SYNCRIP: variants seen among roughly 807,000 people sequenced by gnomAD.
SYNCRIP encodes the protein synaptotagmin binding cytoplasmic RNA interacting protein.
SYNCRIP carries 9 observed loss-of-function variants against 68.9 expected under a neutral mutation model. The ratio of observed to expected loss-of-function variants is 0.13; its 90% CI spans 0.08 to 0.23. SYNCRIP has a LOEUF of 0.23. SYNCRIP is among the 10% of genes least tolerant of loss of function. The pLI is 1.00. For missense variants in SYNCRIP, 414 were observed against 770.6 expected, an observed-to-expected ratio of 0.54 and a Z score of 5.48; for synonymous variants, 258 against 254.0, an observed-to-expected ratio of 1.02 and a Z score of -0.15.
chr6:85,615,361 G>GTC lies in SYNCRIP; in HGVS notation c.1281-15_1281-14insGA. The GTC allele has an allele frequency of 6.9e-7, 1 of 1,443,640 alleles. No individual in the cohort carries two copies. Among genetic ancestry groups the GTC allele is most frequent in the Non-Finnish European group, 9.2e-7 (1 of 1,086,650 alleles). 89.4% of individuals were successfully genotyped at this position (1,443,640 alleles called of 1,614,324 possible). ...TAATCGTCATACCTATTAAAAAAGA[G>GTC]ACAGAGATTAGAGTTTAAATCAAAT... On this transcript the variant is annotated splice_polypyrimidine_tract_variant and intron_variant, in intron 10 of 10. Coordinates refer to ENST00000369622, the MANE Select transcript of SYNCRIP (RefSeq NM_006372.5).
intron 6 of SYNCRIP, among the ~76,000 whole-genome samples, chr6:85,631,357 G>C (rs1328545317): frequency 8.5e-6 from 1 of 117,826 alleles, no homozygotes; most frequent in African/African-American, 3.4e-5. Flanking sequence ...AAAAAAAAAG[G>C]CCATGGCTTA....
At chr6:85,635,842 T>C (rs1456412943) in intron 6 of SYNCRIP, among the ~76,000 whole-genome samples, 2 of 150,718 alleles carry the variant, frequency 1.3e-5, no homozygotes, top group Non-Finnish European at 2.9e-5. Context: ...TAAGGCTTGC[T>C]TAAAGTGATA....
rs868265967 is a variant in SYNCRIP, at chr6:85,619,732, A to G, written c.1009-315T>C. 5.3e-5 allele frequency among the ~76,000 whole-genome samples: 8 copies of G among 152,180 alleles called. No homozygotes were observed. The South Asian group carries it at 1.7e-3, about 31-fold the overall frequency. ...TAGAATGGCCAAAATCCAACACACT[A>G]TAAATGCAGGTAAGAATGCAGAGCA... On this transcript the variant is annotated intron_variant, in intron 8 of 10. Coordinates refer to ENST00000369622, the MANE Select transcript of SYNCRIP (RefSeq NM_006372.5).
chr6:85,637,404 C>T (rs984403179), intron 4 of SYNCRIP, 48 bp from the exon 5 acceptor site: 2 of 1,203,868 alleles, frequency 1.7e-6, no homozygotes, highest in Non-Finnish European at 2.4e-6. Context: ...CTAGACCACA[C>T]CCATATATTT....
At chr6:85,628,150 G>C (rs561057161) in intron 6 of SYNCRIP, among the ~76,000 whole-genome samples, 1 of 152,122 alleles carries the variant, frequency 6.6e-6, no homozygotes, top group Non-Finnish European at 1.5e-5. Flanking sequence ...CCACCTCCCG[G>C]TTTCAAGTGA....
At chr6:85,631,615 G>C (rs1562100265) in intron 6 of SYNCRIP, among the ~76,000 whole-genome samples, 1 of 152,208 alleles carries the variant, frequency 6.6e-6, no homozygotes, top group Admixed American at 6.5e-5. Context: ...AAGATAAAAA[G>C]TGTTAGATGC....
chr6:85,637,181 G>C, intron 5 of SYNCRIP, 38 bp from the exon 6 acceptor site: 1 of 1,606,592 alleles, frequency 6.2e-7, no homozygotes, highest in Non-Finnish European at 8.5e-7. Flanking sequence ...ATGGAGAATT[G>C]CTTTAGGAAA....
intron 6 of SYNCRIP, among the ~76,000 whole-genome samples, chr6:85,631,261 C>T (rs982482966): frequency 6.7e-6 from 1 of 148,242 alleles, no homozygotes; most frequent in Non-Finnish European, 1.5e-5. Context: ...ACTGCTTGAA[C>T]CCAGGAGGCA....
chr6:85,637,467 C>A (rs928966226), intron 4 of SYNCRIP, 111 bp from the exon 5 acceptor site: 5 of 662,360 alleles, frequency 7.5e-6, no homozygotes, highest in Admixed American at 3.3e-5. Context: ...GGCATGTTCC[C>A]TTATAAAAAC....
At chr6:85,632,369 A>G (rs776567660) in intron 6 of SYNCRIP, among the ~76,000 whole-genome samples, 28 of 152,228 alleles carry the variant, frequency 1.8e-4, no homozygotes, top group Non-Finnish European at 2.9e-4. Context: ...TGACACTTCA[A>G]TTAAAAACTC....
chr6:85,641,522 T>C, intron 1 of SYNCRIP, 71 bp from the exon 2 acceptor site: 1 of 1,456,610 alleles, frequency 6.9e-7, no homozygotes, highest in Non-Finnish European at 9.3e-7. Flanking sequence ...GAGAGCCCCA[T>C]CTTTACTTTC....
chr6:85,619,581 A>G (rs1450229073), intron 8 of SYNCRIP, among the ~76,000 whole-genome samples, 164 bp from the exon 9 acceptor site: 3 of 152,202 alleles, frequency 2.0e-5, no homozygotes, highest in African/African-American at 7.2e-5. Context: ...ATCAAGCAGC[A>G]GAACTGCTGG....
chr6:85,613,903 A>ACTACCTGAATTTGT (rs1456988268), downstream of SYNCRIP: 1 of 915,396 alleles, frequency 1.1e-6, no homozygotes, highest in East Asian at 1.2e-4. Flanking sequence ...ACCCTTTGAG[A>ACTACCTGAATTTGT]CTACCTGAAT....
chr6:85,631,089 T>C (rs1422577053), intron 6 of SYNCRIP, among the ~76,000 whole-genome samples: 1 of 152,080 alleles, frequency 6.6e-6, no homozygotes, highest in Non-Finnish European at 1.5e-5. Flanking sequence ...ACGCCTGTAA[T>C]CCCAGTACTT....
chr6:85,623,579 A>AAAAAACAACAAAAAAAAAC (rs1554184894), intron 7 of SYNCRIP, among the ~76,000 whole-genome samples: 16 of 125,872 alleles, frequency 1.3e-4, no homozygotes, highest in Admixed American at 4.0e-4. Flanking sequence ...AAAAAAAAAA[A>AAAAAACAACAAAAAAAAAC]AAAACACTCT....
chr6:85,624,530 G>A (rs1210464414), intron 6 of SYNCRIP, among the ~76,000 whole-genome samples: 1 of 152,126 alleles, frequency 6.6e-6, no homozygotes, highest in Non-Finnish European at 1.5e-5. Flanking sequence ...ATCAAAAGTT[G>A]TAATAAGAAA....
At chr6:85,639,385 T>C (rs2758847) in intron 4 of SYNCRIP, among the ~76,000 whole-genome samples, 39,717 of 152,130 alleles carry the variant, frequency 0.26, 6,513 homozygotes, top group East Asian at 0.39. Context: ...AAAAACTAGA[T>C]TTACAGATCA....
intron 6 of SYNCRIP, among the ~76,000 whole-genome samples, chr6:85,634,201 T>C (rs1213255251): frequency 6.6e-6 from 1 of 152,200 alleles, no homozygotes; most frequent in Non-Finnish European, 1.5e-5. Flanking sequence ...ACAAGGCAAT[T>C]GTACAAATGG....
At chr6:85,632,032 G>A (rs1057149450) in intron 6 of SYNCRIP, among the ~76,000 whole-genome samples, 3 of 152,166 alleles carry the variant, frequency 2.0e-5, no homozygotes, top group Non-Finnish European at 2.9e-5. Context: ...CAAAATGAAG[G>A]TAGATGTTGG....
Sources: allele counts gnomAD v4.1 joint callset (sites outside exome capture counted in the v4.1 genomes callset), GRCh38; gene constraint gnomAD v4.1.1; transcripts MANE v1.5; gene names NCBI Gene and HGNC (gene_info 2026-07-23, HGNC 2026-07-21).